The following ZBTB4 variants were observed in gnomAD, a reference collection of about 807,000 sequenced individuals.
ZBTB4 encodes the protein zinc finger and BTB domain containing 4.
In ZBTB4, 14 loss-of-function variants were observed where a neutral mutation model predicts 59.8. The observed-to-expected ratio is 0.23, with a 90% CI of 0.15 to 0.37. The LOEUF is 0.37. Among genes scored for constraint, ZBTB4 ranks in the 10% least tolerant of loss-of-function variants. The probability of loss-of-function intolerance (pLI) is 1.00; values close to 1 mark genes in which losing one functional copy is unlikely to be tolerated. For synonymous variants in ZBTB4, 587 were observed against 575.2 expected, an observed-to-expected ratio of 1.02 and a Z score of -0.29; for missense variants, 1,198 against 1,380.8, an observed-to-expected ratio of 0.87 and a Z score of 2.10.
At chr17:7,470,339 A>G (rs2070182731) in intron 1 of ZBTB4, among the ~76,000 whole-genome samples, 1 of 152,040 alleles carries the variant, frequency 6.6e-6, no homozygotes, top group Non-Finnish European at 1.5e-5. Flanking sequence ...TCAAGGCTGC[A>G]GTGAGTTATG....
Position 7,460,899 on chromosome 17 carries a change from G to T in ZBTB4, c.*1041C>A, listed in dbSNP as rs933997047. On this transcript the variant is annotated 3_prime_UTR_variant, in exon 4 of 4. Coordinates refer to ENST00000380599, the MANE Select transcript of ZBTB4 (RefSeq NM_001128833.2). ...GATTGGTGAGGGGAGTGACACTGGG[G>T]AGATGGGAATACAGGTAAGGATGGA... The T allele has an allele frequency of 3.9e-5, 6 of 152,622 alleles. No individual in the cohort carries two copies. The highest frequency in any genetic ancestry group is 8.8e-5 in the Non-Finnish European group (6 of 68,048). 9.5% of individuals were successfully genotyped at this position (152,622 alleles called of 1,614,324 possible). A position where few individuals can be genotyped will look rare whatever the true frequency, so the allele number is the denominator to read the frequency against.
chr17:7,482,356 G>A (rs1222774053), upstream of ZBTB4: 3 of 1,613,904 alleles, frequency 1.9e-6, no homozygotes, highest in African/African-American at 4.0e-5. Flanking sequence ...CGGTTCAGGT[G>A]GTGCCCGCTG....
chr17:7,471,783 A>G (rs1359868900), intron 1 of ZBTB4, among the ~76,000 whole-genome samples: 1 of 152,210 alleles, frequency 6.6e-6, no homozygotes, highest in African/African-American at 2.4e-5. Context: ...TGAGCTAACA[A>G]CTGGCAATAT....
At chr17:7,470,767 G>C (rs889040480) in intron 1 of ZBTB4, among the ~76,000 whole-genome samples, 1 of 152,212 alleles carries the variant, frequency 6.6e-6, no homozygotes, top group African/African-American at 2.4e-5. Flanking sequence ...CGTATGACCA[G>C]CTAGTAGCAG....
At chr17:7,469,319 G>A (rs935154907) in intron 1 of ZBTB4, among the ~76,000 whole-genome samples, 4 of 151,984 alleles carry the variant, frequency 2.6e-5, no homozygotes, top group Admixed American at 6.6e-5. Flanking sequence ...GGCGTCCGCC[G>A]CCATGCCTGG....
At position 7,462,122 on chromosome 17, in the gene ZBTB4, C is replaced by G; in HGVS notation, c.2860G>C (p.Asp954His). ...LPVALNMVLP[D>H]EKGAGALPFL... is the part of the protein sequence containing the mutation. ...GGAAGGGCCCCCGCACCCTTCTCAT[C>G]AGGTAGGACCATGTTGAGAGCAACC... The change falls in exon 4 of 4, where the codon GAT becomes CAT. Residue 954 changes from aspartate to histidine, a missense_variant. Physicochemically the swap from Asp to His is moderately conservative, Grantham distance 81. Transcript: ENST00000380599. This position sits in a 1 kb window ranked among gnomAD's most constrained non-coding sequence, Gnocchi z 7.5. The G allele has an allele frequency of 6.2e-7, 1 of 1,613,142 alleles. No homozygotes were observed. The highest frequency in any genetic ancestry group is 8.5e-7 in the Non-Finnish European group (1 of 1,179,492).
chr17:7,466,704 G>A lies in ZBTB4; in HGVS notation c.98C>T (p.Thr33Ile), dbSNP rs1422019711. ...GAACTTGGTGTCTCCGGCTATGAGG[G>A]TGACGTCACAGAAGAGGCCACGGAG... ...QRLRGLFCDV[T>I]LIAGDTKFPA... is the part of the protein sequence containing the mutation. Residue 33 changes from threonine to isoleucine, a missense_variant, in exon 3 of 4, where the codon ACC (threonine) becomes ATC (isoleucine). Around this residue, in one of 9 missense-constraint regions of ZBTB4, gnomAD observed 44 missense variants for 86.2 expected, o/e 0.51. Coordinates refer to ENST00000380599, the MANE Select transcript of ZBTB4 (RefSeq NM_001128833.2). The surrounding 1 kb of genome is among the most constrained non-coding windows in gnomAD (Gnocchi z 9.1). 2.5e-6 allele frequency: 4 copies of A among 1,608,864 alleles called. No individual in the cohort carries two copies. Among genetic ancestry groups the A allele is most frequent in the Non-Finnish European group, 3.4e-6 (4 of 1,178,226 alleles).
chr17:7,473,367 G>A (rs1184415755), intron 1 of ZBTB4, among the ~76,000 whole-genome samples: 12 of 151,714 alleles, frequency 7.9e-5, no homozygotes, highest in Admixed American at 5.9e-4. Flanking sequence ...TGCCCACTTC[G>A]GCATCCCAAA....
Position 7,461,771 on chromosome 17 carries a change from G to T in ZBTB4, c.*169C>A, listed in dbSNP as rs566530732. 7.8e-4 allele frequency: 423 copies of T among 539,598 alleles called. No homozygotes were observed. Among genetic ancestry groups the T allele is most frequent in the Non-Finnish European group, 8.7e-5 (27 of 308,676 alleles). The allele number at this position is 539,598 out of a possible 1,614,324, so 33.4% of individuals were successfully genotyped here. On this transcript the variant is annotated 3_prime_UTR_variant, in exon 4 of 4. Coordinates refer to ENST00000380599, the MANE Select transcript of ZBTB4 (RefSeq NM_001128833.2). ...CGAAAGATCCCTTCCCAGGAGATGG[G>T]AAAACTACATCTCACACAAAGCAGC... is the stretch of plus-strand genomic sequence containing the variant.
intron 1 of ZBTB4, among the ~76,000 whole-genome samples, chr17:7,474,849 T>C (rs1015975905): frequency 1.3e-5 from 2 of 150,634 alleles, no homozygotes; most frequent in African/African-American, 2.4e-5. Flanking sequence ...CCATCTGTAC[T>C]AAAAATACAA....
chr17:7,465,353 C>T (rs1419604707), intron 3 of ZBTB4, among the ~76,000 whole-genome samples: 5 of 149,302 alleles, frequency 3.3e-5, no homozygotes, highest in South Asian at 2.1e-4. Context: ...CCCAGCTATT[C>T]GGGAGGCTGA....
intron 1 of ZBTB4, among the ~76,000 whole-genome samples, chr17:7,470,431 T>A (rs1346405158): frequency 6.6e-6 from 1 of 151,488 alleles, no homozygotes; most frequent in Non-Finnish European, 1.5e-5. Flanking sequence ...TGGTGGCTCA[T>A]GCCTGTAATC....
chr17:7,482,988 A>G, upstream of ZBTB4: 15 of 1,611,962 alleles, frequency 9.3e-6, no homozygotes, highest in Non-Finnish European at 1.3e-5. Context: ...AGGGAAGGGA[A>G]GGTGGAGGAG....
chr17:7,459,789 T>A lies in ZBTB4; in HGVS notation c.*2151A>T, dbSNP rs12453572. On this transcript the variant is annotated 3_prime_UTR_variant, in exon 4 of 4. Coordinates refer to ENST00000380599, the MANE Select transcript of ZBTB4 (RefSeq NM_001128833.2). ...TCATATTTAAGAAAAAAAAAATGTC[T>A]ACAATCTCAATTCTCCCAAAAAAAA... 7.0e-3 allele frequency: 1,068 copies of A among 152,650 alleles called. 30 individuals are homozygous for A. Among genetic ancestry groups the A allele is most frequent in the Admixed American group, 0.046 (703 of 15,282 alleles). The allele number at this position is 152,650 out of a possible 1,614,324, so 9.5% of individuals were successfully genotyped here.
Position 7,461,872 on chromosome 17 carries a change from G to C in ZBTB4, c.*68C>G. 7.1e-7 allele frequency: 1 copy of C among 1,414,572 alleles called. No individual in the cohort carries two copies. Among genetic ancestry groups the C allele is most frequent in the South Asian group, 1.4e-5 (1 of 70,970 alleles). The allele number at this position is 1,414,572 out of a possible 1,614,324, so 87.6% of individuals were successfully genotyped here. A position where few individuals can be genotyped will look rare whatever the true frequency, so the allele number is the denominator to read the frequency against. On this transcript the variant is annotated 3_prime_UTR_variant, in exon 4 of 4. Transcript: ENST00000380599. The stretch of plus-strand genomic sequence containing the variant: ...GGGCTCCCAAGGGGCAGGGAGGCCA[G>C]GGAGCTGGTAGTGGTGGGGGGTTCA...
At position 7,462,186 on chromosome 17, in the gene ZBTB4, G is replaced by C; in HGVS notation, c.2796C>G (p.Ala932=). ...AGTTACTGAAGTTGTAAGGGTAGGC[G>C]GCAAGGAGCTGGGGGCCATAGACGA... is the stretch of plus-strand genomic sequence containing the variant. The part of the protein sequence containing the change: ...YPLVYGPQLL[A]AYPYNFSNLA... Residue 932 remains alanine (A), a synonymous_variant, in exon 4 of 4, where the codon GCC becomes GCG. Coordinates refer to ENST00000380599, the MANE Select transcript of ZBTB4 (RefSeq NM_001128833.2). The surrounding 1 kb of genome is among the most constrained non-coding windows in gnomAD (Gnocchi z 7.5). 1 of 1,613,852 alleles carries C rather than the reference G, an allele frequency of 6.2e-7. No homozygotes were observed. Among genetic ancestry groups the C allele is most frequent in the Non-Finnish European group, 8.5e-7 (1 of 1,179,910 alleles).
Position 7,465,746 on chromosome 17 carries a change from G to A in ZBTB4, c.1056C>T (p.Arg352=), listed in dbSNP as rs2070110504. ...CEKVFALAEY[R]TKHEVWHTGE... ...CCGTGTGCCACACTTCATGCTTCGT[G>A]CGGTACTCCGCCAGAGCAAACACTT... The change falls in exon 3 of 4, where the codon CGC becomes CGT. Residue 352 remains arginine, a synonymous_variant. Transcript: ENST00000380599. 2 of 1,613,202 alleles carry A rather than the reference G, an allele frequency of 1.2e-6. No individual in the cohort carries two copies. Among genetic ancestry groups the A allele is most frequent in the Non-Finnish European group, 1.7e-6 (2 of 1,179,342 alleles).
In ZBTB4 at chr17:7,463,838, T is replaced by C; in HGVS notation, c.1144A>G (p.Thr382Ala). 6.2e-7 allele frequency: 1 copy of C among 1,613,956 alleles called. No homozygotes were observed. Among genetic ancestry groups the C allele is most frequent in the Non-Finnish European group, 8.5e-7 (1 of 1,179,988 alleles). ...ATGCCGTGGAAGGCTCGCTGGTGGG[T>C]CTTCAGGTTATAGTAAGTGACAAAG... ...ETFVTYYNLK[T>A]HQRAFHGISP... The change falls in exon 4 of 4, where the codon ACC (threonine) becomes GCC (alanine). Residue 382 changes from threonine (T) to alanine (A), a missense_variant. Around this residue, in one of 9 missense-constraint regions of ZBTB4, gnomAD observed 60 missense variants for 93.0 expected, o/e 0.64. Coordinates refer to ENST00000380599, the MANE Select transcript of ZBTB4 (RefSeq NM_001128833.2).
Position 7,463,485 on chromosome 17 carries a change from T to G in ZBTB4, c.1497A>C (p.Thr499=), listed in dbSNP as rs1415546747. 1.9e-6 allele frequency: 3 copies of G among 1,543,052 alleles called. No homozygotes were observed. In the Admixed American group the frequency reaches 6.1e-5, roughly 31 times the overall value. The part of the protein sequence containing the change: ...SGGGGSGTAS[T]GGSQAASVIT... ...TAACCGAGGCAGCTTGGGACCCTCC[T>G]GTGCTGGCCGTCCCACTCCCCCCTC... is the stretch of plus-strand genomic sequence containing the variant. The change falls in exon 4 of 4, where the codon ACA becomes ACC. Residue 499 remains threonine (T), a synonymous_variant. Coordinates refer to ENST00000380599, the MANE Select transcript of ZBTB4 (RefSeq NM_001128833.2).
Sources: gnomAD v4.1 joint callset for allele counts (sites outside exome capture counted in the v4.1 genomes callset) on GRCh38, gnomAD v4.1.1 for gene constraint, gnomAD v4.1.1 regional missense constraint, Gnocchi (gnomAD v3.1) non-coding constraint, MANE v1.5 for transcripts, NCBI Gene and HGNC (gene_info 2026-07-23, HGNC 2026-07-21) for gene names.